XYLT1: variants seen among roughly 807,000 people sequenced by gnomAD.
XYLT1 encodes xylosyltransferase 1, also known as beta-D-xylosyltransferase 1.
In XYLT1, 36 loss-of-function variants were observed where a neutral mutation model predicts 91.3. The observed-to-expected ratio is 0.39, with a 90% CI of 0.30 to 0.52. The LOEUF (loss-of-function observed/expected upper bound fraction) is 0.52. Among genes scored for constraint, XYLT1 ranks in the 20% least tolerant of loss-of-function variants. XYLT1 has a pLI of 0.68. For synonymous variants in XYLT1, 588 were observed against 532.0 expected, an observed-to-expected ratio of 1.11 and a Z score of -1.45; for missense variants, 1,242 against 1,284.5, an observed-to-expected ratio of 0.97 and a Z score of 0.51.
intron 6 of XYLT1, among the ~76,000 whole-genome samples, chr16:17,148,393 A>G (rs948061650): frequency 3.9e-5 from 6 of 152,160 alleles, no homozygotes; most frequent in Admixed American, 3.3e-4. Context: ...TCTGTTGTCT[A>G]TTTCCACTCA....
intron 3 of XYLT1, among the ~76,000 whole-genome samples, chr16:17,244,265 G>A (rs2033398350): frequency 6.6e-6 from 1 of 151,902 alleles, no homozygotes; most frequent in African/African-American, 2.4e-5. Context: ...CTGGGGGTGG[G>A]GCCTTGGGGG....
chr16:17,283,405 G>C (rs976220699), intron 2 of XYLT1, among the ~76,000 whole-genome samples: 3 of 152,178 alleles, frequency 2.0e-5, no homozygotes, highest in African/African-American at 7.2e-5. Flanking sequence ...GAAGGGTGCA[G>C]AATGTGAAGA....
At chr16:17,141,125 T>C (rs750580232) in intron 7 of XYLT1, 28 bp downstream of exon 7, 2 of 1,607,220 alleles carry the variant, frequency 1.2e-6, no homozygotes, top group South Asian at 1.1e-5. Context: ...CCCCTATCTT[T>C]CTTGGGAAAA....
At chr16:17,370,718 A>G (rs1397130114) in intron 1 of XYLT1, among the ~76,000 whole-genome samples, 1 of 152,238 alleles carries the variant, frequency 6.6e-6, no homozygotes, top group Non-Finnish European at 1.5e-5. Context: ...TGTTTTAAAA[A>G]GAACAACAAA....
At chr16:17,342,887 A>G (rs2035083751) in intron 2 of XYLT1, among the ~76,000 whole-genome samples, 2 of 152,234 alleles carry the variant, frequency 1.3e-5, no homozygotes, top group African/African-American at 4.8e-5. Context: ...CAATATTATC[A>G]CATGATAATA....
At chr16:17,269,870 G>A (rs1238292671) in intron 2 of XYLT1, among the ~76,000 whole-genome samples, 1 of 150,698 alleles carries the variant, frequency 6.6e-6, no homozygotes, top group Non-Finnish European at 1.5e-5. Flanking sequence ...GGAGTGCAAT[G>A]GCATGATCTC....
intron 10 of XYLT1, among the ~76,000 whole-genome samples, chr16:17,124,434 A>AAGAC (rs1276263445): frequency 1.3e-5 from 2 of 152,206 alleles, no homozygotes; most frequent in African/African-American, 4.8e-5. Context: ...AAGGAGGCTA[A>AAGAC]AGACAGGACC....
At chr16:17,201,772 G>A (rs749342054) in intron 3 of XYLT1, among the ~76,000 whole-genome samples, 4 of 152,106 alleles carry the variant, frequency 2.6e-5, no homozygotes, top group Non-Finnish European at 4.4e-5. Context: ...CACTGTGCCC[G>A]GTGAGAGGTT....
intron 2 of XYLT1, among the ~76,000 whole-genome samples, chr16:17,301,462 T>A (rs561281204): frequency 7.2e-5 from 11 of 152,234 alleles, no homozygotes; most frequent in Non-Finnish European, 1.2e-4. Context: ...CCCCCAAAGC[T>A]CAACCCTATC....
At chr16:17,116,413 T>C (rs1275735050) in intron 11 of XYLT1, among the ~76,000 whole-genome samples, 1 of 152,224 alleles carries the variant, frequency 6.6e-6, no homozygotes. Context: ...GTTTTTGAAC[T>C]TGACATAAAT....
intron 2 of XYLT1, among the ~76,000 whole-genome samples, chr16:17,334,199 C>G (rs1292316268): frequency 6.6e-6 from 1 of 152,168 alleles, no homozygotes; most frequent in Non-Finnish European, 1.5e-5. Flanking sequence ...ATTTCTGTTG[C>G]CTGTAACTTA....
chr16:17,452,951 C>T (rs1425514769), intron 1 of XYLT1, among the ~76,000 whole-genome samples: 2 of 152,078 alleles, frequency 1.3e-5, no homozygotes, highest in African/African-American at 2.4e-5. Flanking sequence ...AGTAAATATT[C>T]CAACAGAAAA....
chr16:17,464,707 T>C (rs1410293660), intron 1 of XYLT1, among the ~76,000 whole-genome samples: 1 of 152,126 alleles, frequency 6.6e-6, no homozygotes, highest in Non-Finnish European at 1.5e-5. Flanking sequence ...TGCCATGCAG[T>C]CATTATTATT....
intron 3 of XYLT1, among the ~76,000 whole-genome samples, chr16:17,226,098 T>C (rs1044718915): frequency 2.6e-5 from 4 of 152,210 alleles, no homozygotes; most frequent in African/African-American, 4.8e-5. Context: ...ACTATTATCC[T>C]TGGAGGCTGT....
intron 6 of XYLT1, among the ~76,000 whole-genome samples, chr16:17,157,159 G>C (rs1006995877): frequency 2.0e-5 from 3 of 152,046 alleles, no homozygotes; most frequent in African/African-American, 7.2e-5. Context: ...TGTTGGCCAG[G>C]CTGGCCTCGA....
intron 10 of XYLT1, among the ~76,000 whole-genome samples, chr16:17,124,303 C>A (rs1035404477): frequency 9.2e-5 from 14 of 152,098 alleles, no homozygotes; most frequent in Non-Finnish European, 2.1e-4. Context: ...TTTAGCAGTT[C>A]TTGTAGTGCT....
intron 1 of XYLT1, among the ~76,000 whole-genome samples, chr16:17,401,749 A>G (rs995411848): frequency 3.3e-5 from 5 of 151,968 alleles, no homozygotes; most frequent in African/African-American, 1.2e-4. Flanking sequence ...CTTCCACAAC[A>G]TTTAGGAGCA....
rs536315623 is a variant in XYLT1, at chr16:17,431,598, C to T, written c.363+38836G>A. Among the ~76,000 whole-genome samples the T allele has an allele frequency of 2.0e-5, 3 of 152,308 alleles. No individual in the cohort carries two copies. The East Asian group carries it at 5.8e-4, about 29-fold the overall frequency. On this transcript the variant is annotated intron_variant, in intron 1 of 11. Transcript: ENST00000261381. ...AGGGGAATACCATGTCATTGGTGATCAAGGATGGAGTTAACTATCATTATC... is the reference window on the plus strand; with the variant it reads ...AGGGGAATACCATGTCATTGGTGATTAAGGATGGAGTTAACTATCATTATC...
rs1446841248 is a variant in XYLT1 at position 17,327,608 on chromosome 16, C to G, written c.402+30404G>C. 1.6e-3 allele frequency among the ~76,000 whole-genome samples: 2 copies of G among 1,274 alleles called. 1 individual carries two copies. Among genetic ancestry groups the G allele is most frequent in the African/African-American group, 6.5e-3 (2 of 308 alleles). 0.8% of individuals were successfully genotyped at this position (1,274 alleles called of 152,430 possible). On this transcript the variant is annotated intron_variant, in intron 2 of 11. Transcript: ENST00000261381. Reference sequence around the variant, plus strand: ...CAATCTCCTGACCTCGTGATCCCGCCCCCCCCCCCCCCCCCCCCCCGCCTC... The same window carrying G: ...CAATCTCCTGACCTCGTGATCCCGCGCCCCCCCCCCCCCCCCCCCCGCCTC...
Sources: gnomAD v4.1 joint callset for allele counts (sites outside exome capture counted in the v4.1 genomes callset) on GRCh38, gnomAD v4.1.1 for gene constraint, MANE v1.5 for transcripts, NCBI Gene and HGNC (gene_info 2026-07-23, HGNC 2026-07-21) for gene names.